KRT37: variants seen among roughly 807,000 people sequenced by gnomAD.
The protein encoded by KRT37 is keratin 37, also known as keratin, type I cuticular Ha7.
Under a neutral mutation model 41.9 loss-of-function variants are expected in KRT37, and 38 were observed. That is an observed-to-expected ratio of 0.91 (90% CI 0.70 to 1.19). KRT37 has a LOEUF of 1.19. Ranked by LOEUF, KRT37 falls within the 50% of genes most tolerant of loss-of-function variation. KRT37 has a pLI of 0.00. For missense variants in KRT37, 580 were observed against 575.5 expected (o/e 1.01, Z -0.08); for synonymous variants, 252 against 243.4 (o/e 1.04, Z -0.33).
In KRT37 at chr17:41,420,642, A is replaced by G; in HGVS notation, c.*236T>C. The G allele has an allele frequency of 2.2e-6, 1 of 451,372 alleles. No individual in the cohort carries two copies. The highest frequency in any genetic ancestry group is 3.3e-5 in the East Asian group (1 of 30,364). The allele number at this position is 451,372 out of a possible 1,614,324, so 28.0% of individuals were successfully genotyped here. A position where few individuals can be genotyped will look rare whatever the true frequency, so the allele number is the denominator to read the frequency against. ...CACTGGAATAGAACTAAAAGTACCA[A>G]GAAGAGACACCAGGAAAAATAATTG... is the stretch of plus-strand genomic sequence containing the variant. On this transcript the variant is annotated 3_prime_UTR_variant, in exon 7 of 7. Transcript: ENST00000225550.
intron 2 of KRT37, chr17:41,423,401 T>C (rs2018570796): frequency 4.0e-6 from 1 of 253,122 alleles, no homozygotes; most frequent in African/African-American, 2.2e-5. Context: ...CTCCAGCTGA[T>C]GGATTTGGCC....
rs768655717 is a variant in KRT37 at position 41,420,860 on chromosome 17, T to C, written c.*18A>G. 58 of 1,571,300 alleles carry C rather than the reference T, an allele frequency of 3.7e-5. No homozygotes were observed. The South Asian group carries it at 5.6e-4, about 15-fold the overall frequency. On this transcript the variant is annotated 3_prime_UTR_variant, in exon 7 of 7. Transcript: ENST00000225550. ...CCCAGTGCAACCAGCCTCAATCTCC[T>C]AACTCGGGCCTTCAGAATCATCTCC...
intron 2 of KRT37, 137 bp from the exon 3 acceptor site, chr17:41,423,071 C>G (rs146266246): frequency 9.5e-7 from 1 of 1,050,442 alleles, no homozygotes; most frequent in Non-Finnish European, 1.3e-6. Flanking sequence ...AACCCTGCAG[C>G]GACACGGTTT....
In KRT37 at chr17:41,422,416, T is replaced by G. The variant is rs1415304256; in HGVS notation, c.751A>C (p.Ser251Arg). The change falls in exon 4 of 7, where the codon AGT becomes CGT. Residue 251 changes from serine (S) to arginine (R), a missense_variant. Transcript: ENST00000225550. ...NHEQEVKILR[S>R]QLGEKFRIEL... ...ATCCGGAACTTCTCCCCCAGCTGAC[T>G]CCTCAGAATCTTTACTTCCTGCAGA... The G allele has an allele frequency of 6.2e-7, 1 of 1,614,146 alleles. No individual in the cohort carries two copies. The highest frequency in any genetic ancestry group is 8.5e-7 in the Non-Finnish European group (1 of 1,179,998).
chr17:41,423,949 G>T, intron 1 of KRT37, 83 bp downstream of exon 1: 1 of 1,603,824 alleles, frequency 6.2e-7, no homozygotes, highest in Non-Finnish European at 8.5e-7. Flanking sequence ...AGAACCCAAA[G>T]CTCTCTGGAC....
rs11869058 is a variant in KRT37 at position 41,420,609 on chromosome 17, T to C, written c.*269A>G. On this transcript the variant is annotated 3_prime_UTR_variant, in exon 7 of 7. Transcript: ENST00000225550. ...GGGAACCCAGTTACATTTTTGGAGA[T>C]TCTGAAACACTGGAATAGAACTAAA... 9.4e-4 allele frequency: 363 copies of C among 387,230 alleles called. No homozygotes were observed. Among genetic ancestry groups the C allele is most frequent in the African/African-American group, 6.5e-3 (316 of 48,814 alleles). The allele number at this position is 387,230 out of a possible 1,614,324, so 24.0% of individuals were successfully genotyped here. A position where few individuals can be genotyped will look rare whatever the true frequency, so the allele number is the denominator to read the frequency against.
chr17:41,422,165 G>A lies in KRT37; in HGVS notation c.924C>T (p.Ser308=), dbSNP rs1463222657. 1 of 1,614,064 alleles carries A rather than the reference G, an allele frequency of 6.2e-7. No homozygotes were observed. Among genetic ancestry groups the A allele is most frequent in the African/African-American group, 1.3e-5 (1 of 74,918 alleles). The change falls in exon 5 of 7, where the codon TCC becomes TCT. Residue 308 remains serine (S), a synonymous_variant. Coordinates refer to ENST00000225550, the MANE Select transcript of KRT37 (RefSeq NM_003770.5). ...GGCAGCACTGCAGCTCCTCGGAGCA[G>A]GACATGGCCTGCAGGCTGATGCCTT... ...QSEGISLQAM[S]CSEELQCCQS...
At chr17:41,421,250 G>A in intron 6 of KRT37, 117 bp downstream of exon 6, 1 of 1,109,324 alleles carries the variant, frequency 9.0e-7, no homozygotes, top group Non-Finnish European at 1.3e-6. Context: ...CACTGAGCAA[G>A]AGAGCACAGG....
chr17:41,422,277 G>A lies in KRT37; in HGVS notation c.890C>T (p.Ala297Val), dbSNP rs760103625. The A allele has an allele frequency of 1.2e-6, 2 of 1,614,058 alleles. No homozygotes were observed. Among genetic ancestry groups the A allele is most frequent in the South Asian group, 2.2e-5 (2 of 91,070 alleles). The change falls in exon 4 of 7, where the codon GCC becomes GTC. Residue 297 changes from alanine to valine, a missense_variant. Ala to Val is a moderately conservative substitution (Grantham distance 64). Coordinates refer to ENST00000225550, the MANE Select transcript of KRT37 (RefSeq NM_003770.5). ...NHQDVEQWFQ[A>V]QSEGISLQAM... ...GGCTCTGTAACCCCCACTCACCTGG[G>A]CTTGGAACCACTGTTCCACATCCTG...
In KRT37 at chr17:41,424,455, G is replaced by A. The variant is rs1207233111; in HGVS notation, c.69C>T (p.Val23=). 7 of 1,607,696 alleles carry A rather than the reference G, an allele frequency of 4.4e-6. No homozygotes were observed. The highest frequency in any genetic ancestry group is 6.0e-6 in the Non-Finnish European group (7 of 1,175,316). ...ACCCAACATCGATAGGAGAGACAAA[G>A]ACATTTCTTGCTCCAGGAGCCATGG... is the stretch of plus-strand genomic sequence containing the variant. ...GCTMAPGARN[V]FVSPIDVGCQ... Residue 23 remains valine (V), a synonymous_variant, in exon 1 of 7, where the codon GTC becomes GTT. Transcript: ENST00000225550.
chr17:41,423,455 T>C, intron 2 of KRT37: 1 of 367,410 alleles, frequency 2.7e-6, no homozygotes, highest in Non-Finnish European at 4.9e-6. Flanking sequence ...TGACAGTTTA[T>C]TTTTGTGATG....
chr17:41,421,623 G>T, intron 5 of KRT37, 36 bp from the exon 6 acceptor site: 1 of 1,590,930 alleles, frequency 6.3e-7, no homozygotes. Context: ...AGATCCAGGT[G>T]CCCCAAAACT....
Position 41,421,441 on chromosome 17 carries a change from C to T in KRT37, c.1167G>A (p.Val389=). Residue 389 remains valine, a synonymous_variant, in exon 6 of 7, where the codon GTG becomes GTA. Transcript: ENST00000225550. ...DLERQNQEYQ[V]LLDVKARLEN... ...CCAACCGGGCCTTCACGTCCAGCAG[C>T]ACCTGGTACTCCTGGTTCTGCCGCT... The T allele has an allele frequency of 7.4e-6, 12 of 1,614,242 alleles. No individual in the cohort carries two copies. The highest frequency in any genetic ancestry group is 1.0e-5 in the Non-Finnish European group (12 of 1,180,046).
Position 41,424,295 on chromosome 17 carries a change from A to G in KRT37, c.229T>C (p.Cys77Arg). 10 of 1,614,186 alleles carry G rather than the reference A, an allele frequency of 6.2e-6. No homozygotes were observed. The highest frequency in any genetic ancestry group is 1.3e-5 in the African/African-American group (1 of 75,060). ...ATGTGACAGGTCCCTGGCAAGGGACAAGCAGTGTGACTGGTTGGGGGCAGA... is the reference window on the plus strand; with the variant it reads ...ATGTGACAGGTCCCTGGCAAGGGACGAGCAGTGTGACTGGTTGGGGGCAGA... ...LCLPPTSHTA[C>R]PLPGTCHIPG... The change falls in exon 1 of 7, where the codon TGT (cysteine) becomes CGT (arginine). Residue 77 changes from cysteine (C) to arginine (R), a missense_variant. Coordinates refer to ENST00000225550, the MANE Select transcript of KRT37 (RefSeq NM_003770.5).
intron 6 of KRT37, 71 bp from the exon 7 acceptor site, chr17:41,421,057 G>C: frequency 8.0e-7 from 1 of 1,248,642 alleles, no homozygotes; most frequent in Non-Finnish European, 1.2e-6. Context: ...TAAGATCAGG[G>C]TGAAGGCTGG....
intron 2 of KRT37, 133 bp from the exon 3 acceptor site, chr17:41,423,067 G>T (rs2018567721): frequency 9.3e-7 from 1 of 1,069,542 alleles, no homozygotes; most frequent in Non-Finnish European, 1.3e-6. Context: ...TCTCAACCCT[G>T]CAGCGACACG....
intron 1 of KRT37, 85 bp downstream of exon 1, chr17:41,423,945 CAA>C: frequency 6.2e-7 from 1 of 1,604,212 alleles, no homozygotes; most frequent in Non-Finnish European, 8.5e-7. Flanking sequence ...ACCAAGAACC[CAA>C]AGCTCTCTGG....
chr17:41,423,445 T>G (rs879761320), intron 2 of KRT37: 1 of 348,330 alleles, frequency 2.9e-6, no homozygotes, highest in Non-Finnish European at 5.2e-6. Flanking sequence ...ACCTATGCAT[T>G]GACAGTTTAT....
In KRT37 at chr17:41,422,896, G is replaced by A. The variant is rs149061216; in HGVS notation, c.614C>T (p.Ala205Val). The change falls in exon 3 of 7, where the codon GCG becomes GTG. Residue 205 changes from alanine to valine, a missense_variant. Transcript: ENST00000225550. ...SERSLHQLVE[A>V]DKCGTQKLLD... ...GAGCTTCTGCGTCCCGCACTTGTCCGCCTCCACCAGCTGGTGAAGGGAGCG... is the reference window on the plus strand; with the variant it reads ...GAGCTTCTGCGTCCCGCACTTGTCCACCTCCACCAGCTGGTGAAGGGAGCG... 1.3e-4 allele frequency: 210 copies of A among 1,613,980 alleles called. No individual in the cohort carries two copies. The African/African-American group carries it at 1.9e-3, about 15-fold the overall frequency.
Sources: allele counts gnomAD v4.1 joint callset, GRCh38; gene constraint gnomAD v4.1.1; transcripts MANE v1.5; gene names NCBI Gene and HGNC (gene_info 2026-07-23, HGNC 2026-07-21).